Variants in CIROZ observed in about 807,000 individuals in gnomAD.
CIROZ encodes ciliated left-right organizer ZP-N domains-containing protein.
At chr1:10,961,878 CA>C in the CIROZ span, among the ~76,000 whole-genome samples, 3 of 151,574 alleles carry the variant, frequency 2.0e-5, no homozygotes, top group Non-Finnish European at 4.4e-5. Flanking sequence ...ACCCAGGAGG[CA>C]GAGGTTACAG....
the CIROZ span, chr1:10,964,055 T>C: frequency 6.4e-7 from 1 of 1,560,080 alleles, no homozygotes; most frequent in Admixed American, 1.9e-5. Context: ...CAGGGCCACC[T>C]GCCTTGGCCT....
chr1:10,949,260 GA>G, the CIROZ span: 8 of 262,438 alleles, frequency 3.0e-5, 1 homozygote, highest in South Asian at 3.2e-4. Context: ...AGGAAACTGT[GA>G]CCTCTGGGTC....
the CIROZ span, chr1:10,948,476 G>A: frequency 4.8e-5 from 77 of 1,613,928 alleles, no homozygotes; most frequent in Non-Finnish European, 6.2e-5. Flanking sequence ...GAGACTTGGC[G>A]GGGTCCTGTT....
At chr1:10,981,746 T>C in the CIROZ span, among the ~76,000 whole-genome samples, 1 of 152,128 alleles carries the variant, frequency 6.6e-6, no homozygotes, top group African/African-American at 2.4e-5. Flanking sequence ...CTTCTGGAAA[T>C]CCTTCCCAAG....
the CIROZ span, among the ~76,000 whole-genome samples, chr1:10,973,359 CGA>C: frequency 1.3e-5 from 2 of 152,024 alleles, no homozygotes; most frequent in African/African-American, 4.8e-5. Context: ...GATGGCAGAG[CGA>C]GATTCTGTCT....
chr1:10,969,824 G>A, the CIROZ span: 1 of 1,247,526 alleles, frequency 8.0e-7, no homozygotes, highest in East Asian at 2.8e-5. Context: ...GAGCCTGGAA[G>A]GGCTGTGGGG....
the CIROZ span, among the ~76,000 whole-genome samples, chr1:10,978,256 C>T: frequency 5.9e-5 from 9 of 151,594 alleles, no homozygotes; most frequent in Non-Finnish European, 1.2e-4. Context: ...ACCATGTTGC[C>T]CAGGCTGGTC....
At chr1:10,947,868 G>C in the CIROZ span, 1 of 1,609,608 alleles carries the variant, frequency 6.2e-7, no homozygotes, top group African/African-American at 1.3e-5. Context: ...TTGCGTGGAT[G>C]GAGGGCTGGA....
chr1:10,956,945 T>G, the CIROZ span: 1 of 1,266,682 alleles, frequency 7.9e-7, no homozygotes, highest in South Asian at 1.4e-5. Context: ...GGGAATAAGG[T>G]GCCCAGAGGA....
the CIROZ span, among the ~76,000 whole-genome samples, chr1:10,971,915 G>A: frequency 2.0e-5 from 3 of 152,190 alleles, no homozygotes; most frequent in Non-Finnish European, 4.4e-5. Context: ...TGGAGAATAA[G>A]AGAAGCCATG....
chr1:10,975,707 G>A, the CIROZ span, among the ~76,000 whole-genome samples: 6 of 152,058 alleles, frequency 3.9e-5, no homozygotes, highest in Admixed American at 6.6e-5. Context: ...ATCTGTTTGC[G>A]GGGTGGCTAA....
the CIROZ span, among the ~76,000 whole-genome samples, chr1:10,967,977 A>AAAAT: frequency 1.3e-5 from 2 of 151,914 alleles, no homozygotes; most frequent in Admixed American, 1.3e-4. Context: ...CTGTCTCAAA[A>AAAAT]AAATAAATAA....
At chr1:10,951,576 C>A in the CIROZ span, among the ~76,000 whole-genome samples, 1 of 149,442 alleles carries the variant, frequency 6.7e-6, no homozygotes, top group Non-Finnish European at 1.5e-5. Context: ...AGTTTAAAAA[C>A]TAGCTTGGTA....
At chr1:10,981,888 G>A in the CIROZ span, 1 of 1,223,802 alleles carries the variant, frequency 8.2e-7, no homozygotes, top group Non-Finnish European at 1.1e-6. Context: ...TCACCCATTT[G>A]GCCCCCTTCC....
At chr1:10,947,774 G>C in the CIROZ span, 1 of 1,597,968 alleles carries the variant, frequency 6.3e-7, no homozygotes, top group Non-Finnish European at 8.6e-7. Context: ...GCTGGAGTGA[G>C]GCCCCCCGGC....
chr1:10,956,697 T>C, the CIROZ span, among the ~76,000 whole-genome samples: 1 of 151,914 alleles, frequency 6.6e-6, no homozygotes, highest in Non-Finnish European at 1.5e-5. Context: ...CAGGATGGTC[T>C]TGATCTCCTG....
the CIROZ span, among the ~76,000 whole-genome samples, chr1:10,972,647 T>G: frequency 7.6e-3 from 1,163 of 152,280 alleles, 20 homozygotes; most frequent in African/African-American, 0.026. Context: ...TCATTTAATC[T>G]CTCCAAGACC....
chr1:10,966,473 C>T, the CIROZ span: 2 of 1,532,474 alleles, frequency 1.3e-6, no homozygotes, highest in Non-Finnish European at 8.7e-7. Flanking sequence ...GTCAGGGGAC[C>T]TCCAGGTGCC....
the CIROZ span, among the ~76,000 whole-genome samples, chr1:10,975,820 T>C: frequency 6.6e-6 from 1 of 151,978 alleles, no homozygotes; most frequent in Admixed American, 6.6e-5. Context: ...CATCTAAAAG[T>C]CTTGTTAGAA....
Sources: gnomAD v4.1 joint callset for allele counts (sites outside exome capture counted in the v4.1 genomes callset) on GRCh38, gnomAD v4.1.1 for gene constraint, MANE v1.5 for transcripts, NCBI Gene and HGNC (gene_info 2026-07-23, HGNC 2026-07-21) for gene names.